FRMD5: variants seen among roughly 807,000 people sequenced by gnomAD.
The protein encoded by FRMD5 is FERM domain containing 5.
A neutral mutation model predicts 69.0 loss-of-function variants in FRMD5; 20 were observed. The observed-to-expected ratio is 0.29, with a 90% CI of 0.20 to 0.42. The LOEUF (loss-of-function observed/expected upper bound fraction) is 0.42. FRMD5 is among the 10% of genes least tolerant of loss of function. FRMD5 has a pLI of 1.00. For missense variants in FRMD5, 595 were observed against 708.6 expected (o/e 0.84, Z 1.82); for synonymous variants, 271 against 260.1 (o/e 1.04, Z -0.40).
intron 1 of FRMD5, among the ~76,000 whole-genome samples, chr15:44,192,840 C>CA (rs2078218428): frequency 6.6e-6 from 1 of 152,160 alleles, no homozygotes; most frequent in South Asian, 2.1e-4. Context: ...AATGCACAAT[C>CA]ATTAACATGT....
intron 1 of FRMD5, among the ~76,000 whole-genome samples, chr15:43,960,859 A>G (rs2090187662): frequency 6.6e-6 from 1 of 152,244 alleles, no homozygotes; most frequent in African/African-American, 2.4e-5. Context: ...CTGAGTAGCA[A>G]AAGTAGACAA....
chr15:44,102,834 G>A (rs2076659151), intron 1 of FRMD5, among the ~76,000 whole-genome samples: 1 of 152,208 alleles, frequency 6.6e-6, no homozygotes, highest in African/African-American at 2.4e-5. Flanking sequence ...ACTCCCAGCT[G>A]TTCACTGTGT....
intron 1 of FRMD5, among the ~76,000 whole-genome samples, chr15:44,151,839 A>G (rs1281576688): frequency 6.6e-6 from 1 of 152,230 alleles, no homozygotes; most frequent in Non-Finnish European, 1.5e-5. Context: ...TATAAATCAC[A>G]TATCTGATAA....
chr15:43,905,617 G>A (rs770838605), intron 6 of FRMD5, among the ~76,000 whole-genome samples: 4 of 152,124 alleles, frequency 2.6e-5, no homozygotes, highest in Non-Finnish European at 4.4e-5. Flanking sequence ...AGGCTAAATC[G>A]CTTTTCTTGG....
chr15:43,900,325 C>T (rs896724054), intron 7 of FRMD5, among the ~76,000 whole-genome samples: 3 of 152,176 alleles, frequency 2.0e-5, no homozygotes, highest in African/African-American at 7.2e-5. Context: ...ATCTGTTACA[C>T]AGAGGGCATT....
At chr15:44,088,174 C>G (rs994933225) in intron 1 of FRMD5, among the ~76,000 whole-genome samples, 2 of 152,066 alleles carry the variant, frequency 1.3e-5, no homozygotes, top group African/African-American at 4.8e-5. Context: ...CACAATCCCA[C>G]TCATTTAACA....
intron 1 of FRMD5, among the ~76,000 whole-genome samples, chr15:44,058,784 T>C (rs1165783451): frequency 6.6e-5 from 2 of 30,432 alleles, no homozygotes; most frequent in Admixed American, 4.5e-4. Context: ...AGACTCCGTC[T>C]CAAAAAAAAA....
intron 1 of FRMD5, among the ~76,000 whole-genome samples, chr15:43,995,286 T>C (rs918061930): frequency 2.0e-5 from 3 of 152,216 alleles, no homozygotes; most frequent in African/African-American, 7.2e-5. Context: ...TCTGTACATG[T>C]TTAGTACAGA....
intron 7 of FRMD5, among the ~76,000 whole-genome samples, chr15:43,896,551 C>T (rs138403252): frequency 2.0e-5 from 3 of 152,290 alleles, no homozygotes; most frequent in African/African-American, 4.8e-5. Flanking sequence ...CAAAGTTCAC[C>T]CTAGGATGAT....
rs1352303304 is a variant in FRMD5 at position 43,873,160 on chromosome 15, G to A, written c.*725C>T. The A allele has an allele frequency of 1.3e-6, 2 of 1,549,484 alleles. No individual in the cohort carries two copies. Among genetic ancestry groups the A allele is most frequent in the Admixed American group, 2.0e-5 (1 of 50,956 alleles). The stretch of plus-strand genomic sequence containing the variant: ...TGCCCACTAGGCTCTAGACTAAGGG[G>A]ACAGACTTACCCCACCCCTGATGCT... On this transcript the variant is annotated 3_prime_UTR_variant, in exon 14 of 14. Transcript: ENST00000417257.
intron 1 of FRMD5, among the ~76,000 whole-genome samples, chr15:43,928,783 T>G (rs1277212308): frequency 6.6e-6 from 1 of 152,208 alleles, no homozygotes; most frequent in Non-Finnish European, 1.5e-5. Context: ...GTTGTGCCAT[T>G]GATTATACCG....
At chr15:43,976,661 T>C (rs1743258111) in intron 1 of FRMD5, among the ~76,000 whole-genome samples, 1 of 152,156 alleles carries the variant, frequency 6.6e-6, no homozygotes, top group Non-Finnish European at 1.5e-5. Context: ...GTTTTTATAC[T>C]AAAGTTTCTT....
intron 1 of FRMD5, among the ~76,000 whole-genome samples, chr15:43,957,515 AG>A (rs1302447418): frequency 5.3e-5 from 8 of 152,214 alleles, no homozygotes; most frequent in Non-Finnish European, 7.3e-5. Context: ...ATTTCTAGTT[AG>A]TTAGGTGGCT....
chr15:43,942,496 AG>A (rs2140490495), intron 1 of FRMD5, among the ~76,000 whole-genome samples: 1 of 152,352 alleles, frequency 6.6e-6, no homozygotes. Context: ...TTTAGAAAAC[AG>A]ATTTTGTGGA....
At chr15:43,908,946 T>C (rs566104246) in intron 5 of FRMD5, among the ~76,000 whole-genome samples, 1 of 152,288 alleles carries the variant, frequency 6.6e-6, no homozygotes, top group Admixed American at 6.5e-5. Flanking sequence ...TCAAGTCTGA[T>C]TACACTCCAG....
chr15:44,013,253 C>T (rs887246687), intron 1 of FRMD5, among the ~76,000 whole-genome samples: 8 of 152,016 alleles, frequency 5.3e-5, no homozygotes, highest in South Asian at 2.1e-4. Flanking sequence ...ATTAGCTGGG[C>T]GTGGTGGCAT....
At chr15:43,909,271 G>A (rs999111046) in intron 5 of FRMD5, among the ~76,000 whole-genome samples, 13 of 151,564 alleles carry the variant, frequency 8.6e-5, no homozygotes, top group African/African-American at 3.1e-4. Context: ...ATGGTGGTGG[G>A]CGCCCGCAGT....
intron 1 of FRMD5, among the ~76,000 whole-genome samples, chr15:44,121,670 AAAAC>A (rs1566957114): frequency 6.6e-6 from 1 of 152,004 alleles, no homozygotes; most frequent in Non-Finnish European, 1.5e-5. Flanking sequence ...AACAAAAACA[AAAAC>A]AAAAAAACTC....
At chr15:44,089,177 T>G (rs1412108481) in intron 1 of FRMD5, among the ~76,000 whole-genome samples, 2 of 152,208 alleles carry the variant, frequency 1.3e-5, no homozygotes, top group Non-Finnish European at 2.9e-5. Context: ...TCTATCCATG[T>G]TTCTCACATT....
Sources: gnomAD v4.1 joint callset for allele counts (sites outside exome capture counted in the v4.1 genomes callset) on GRCh38, gnomAD v4.1.1 for gene constraint, MANE v1.5 for transcripts, NCBI Gene and HGNC (gene_info 2026-07-23, HGNC 2026-07-21) for gene names.